Variants in ADAM23 observed in about 807,000 individuals in gnomAD.
ADAM23 encodes the protein ADAM metallopeptidase domain 23.
In ADAM23, 33 loss-of-function variants were observed where a neutral mutation model predicts 120.1. That is an observed-to-expected ratio of 0.27 (90% CI 0.21 to 0.37). ADAM23 has a LOEUF of 0.37. Ranked by LOEUF, ADAM23 falls within the 10% of genes least tolerant of loss-of-function variation. The pLI is 1.00. For missense variants in ADAM23, 862 were observed against 1,058.2 expected (o/e 0.81, Z 2.57); for synonymous variants, 367 against 375.2 (o/e 0.98, Z 0.25).
At chr2:206,549,602 G>A (rs949910220) in intron 8 of ADAM23, among the ~76,000 whole-genome samples, 8 of 151,906 alleles carry the variant, frequency 5.3e-5, no homozygotes, top group South Asian at 2.1e-4. Flanking sequence ...AATTTCACTC[G>A]AGTGAGTTAA....
intron 3 of ADAM23, 119 bp downstream of exon 3, chr2:206,481,427 A>G: frequency 1.5e-6 from 1 of 652,976 alleles, no homozygotes; most frequent in Non-Finnish European, 2.4e-6. Context: ...AGATTATTAT[A>G]GAGCATGTAA....
At chr2:206,453,627 A>G (rs1012406101) in intron 2 of ADAM23, among the ~76,000 whole-genome samples, 2 of 152,260 alleles carry the variant, frequency 1.3e-5, no homozygotes, top group Non-Finnish European at 2.9e-5. Flanking sequence ...ATTTAATGGT[A>G]GAAATGCTAT....
intron 21 of ADAM23, among the ~76,000 whole-genome samples, chr2:206,591,776 A>T (rs1462216715): frequency 6.6e-6 from 1 of 152,208 alleles, no homozygotes; most frequent in Non-Finnish European, 1.5e-5. Context: ...TATTATGTAT[A>T]TAAGAATTTT....
chr2:206,572,637 T>G (rs1698027593), intron 17 of ADAM23, among the ~76,000 whole-genome samples: 1 of 152,222 alleles, frequency 6.6e-6, no homozygotes. Context: ...AGGCATTCCC[T>G]GGCATTACTA....
intron 2 of ADAM23, among the ~76,000 whole-genome samples, chr2:206,473,508 A>G (rs1695704936): frequency 6.6e-6 from 1 of 151,640 alleles, no homozygotes; most frequent in South Asian, 2.1e-4. Flanking sequence ...CTAAGATGGG[A>G]GGATTGCTTG....
chr2:206,463,282 A>G (rs2105861466), intron 2 of ADAM23, among the ~76,000 whole-genome samples: 1 of 152,316 alleles, frequency 6.6e-6, no homozygotes, highest in Non-Finnish European at 1.5e-5. Context: ...TGATACAGTC[A>G]GAGAGAAGGA....
chr2:206,470,494 A>G (rs1265602247), intron 2 of ADAM23, among the ~76,000 whole-genome samples: 1 of 152,202 alleles, frequency 6.6e-6, no homozygotes, highest in Non-Finnish European at 1.5e-5. Flanking sequence ...TCGATATTAG[A>G]GAACATGAGG....
intron 4 of ADAM23, among the ~76,000 whole-genome samples, chr2:206,536,748 C>G (rs564058131): frequency 2.0e-5 from 3 of 152,038 alleles, no homozygotes; most frequent in South Asian, 4.2e-4. Flanking sequence ...CTCTGTTGTT[C>G]AGGCTGGAGT....
At chr2:206,499,598 C>A (rs10194178) in intron 3 of ADAM23, among the ~76,000 whole-genome samples, 1 of 151,684 alleles carries the variant, frequency 6.6e-6, no homozygotes, top group South Asian at 2.1e-4. Flanking sequence ...ATGTAACAAA[C>A]CTGCACGTTG....
intron 22 of ADAM23, among the ~76,000 whole-genome samples, chr2:206,593,822 A>G (rs1473092491): frequency 6.6e-6 from 1 of 152,034 alleles, no homozygotes; most frequent in Non-Finnish European, 1.5e-5. Context: ...AATTATACCT[A>G]ACTTTGAAAT....
At chr2:206,540,731 A>C (rs1327921218) in intron 4 of ADAM23, among the ~76,000 whole-genome samples, 1 of 152,002 alleles carries the variant, frequency 6.6e-6, no homozygotes, top group Non-Finnish European at 1.5e-5. Flanking sequence ...AAATAAAAGC[A>C]TCTGAAAAAA....
intron 12 of ADAM23, 32 bp from the exon 13 acceptor site, chr2:206,562,171 G>A (rs758808786): frequency 8.3e-6 from 13 of 1,573,418 alleles, no homozygotes; most frequent in African/African-American, 1.4e-5. Flanking sequence ...TCTCTCAAAT[G>A]TCTCCCACAC....
At chr2:206,564,922 G>C (rs1283356949) in intron 13 of ADAM23, 98 bp from the exon 14 acceptor site, 1 of 1,288,022 alleles carries the variant, frequency 7.8e-7, no homozygotes, top group Non-Finnish European at 1.1e-6. Flanking sequence ...CATGGAATTG[G>C]TAATAAAGAA....
chr2:206,479,154 A>G (rs961894702), intron 2 of ADAM23, among the ~76,000 whole-genome samples: 3 of 152,258 alleles, frequency 2.0e-5, no homozygotes, highest in Non-Finnish European at 2.9e-5. Flanking sequence ...AACTGAAGCT[A>G]GTCACATTGA....
At chr2:206,519,877 G>C (rs1696809235) in intron 3 of ADAM23, among the ~76,000 whole-genome samples, 1 of 152,018 alleles carries the variant, frequency 6.6e-6, no homozygotes, top group Non-Finnish European at 1.5e-5. Flanking sequence ...AGCCACTCAT[G>C]GTGGCACATG....
At chr2:206,446,182 T>C (rs963387062) in intron 2 of ADAM23, among the ~76,000 whole-genome samples, 1 of 152,330 alleles carries the variant, frequency 6.6e-6, no homozygotes, top group Admixed American at 6.5e-5. Context: ...TTGCTTTACT[T>C]TCAGGTTAGT....
At chr2:206,605,968 T>C in intron 24 of ADAM23, 1 of 589,464 alleles carries the variant, frequency 1.7e-6, no homozygotes, top group East Asian at 2.9e-5. Context: ...TCTCGTCCTG[T>C]TGACCGTGTT....
chr2:206,515,281 CGGCAGTTTT>C (rs1478774576), intron 3 of ADAM23, among the ~76,000 whole-genome samples: 1 of 152,132 alleles, frequency 6.6e-6, no homozygotes, highest in Admixed American at 6.6e-5. Context: ...TTTCCAGCCA[CGGCAGTTTT>C]GGTGATTGAA....
chr2:206,508,240 A>T (rs572190091), intron 3 of ADAM23, among the ~76,000 whole-genome samples: 1 of 152,156 alleles, frequency 6.6e-6, no homozygotes, highest in Non-Finnish European at 1.5e-5. Flanking sequence ...CGTGTTAGCC[A>T]GGATGGTCTT....
Sources: allele counts gnomAD v4.1 joint callset (sites outside exome capture counted in the v4.1 genomes callset), GRCh38; gene constraint gnomAD v4.1.1; transcripts MANE v1.5; gene names NCBI Gene and HGNC (gene_info 2026-07-23, HGNC 2026-07-21).